Variants in ECM2 observed in about 807,000 individuals in gnomAD.
ECM2 encodes extracellular matrix protein 2.
Under a neutral mutation model 67.5 loss-of-function variants are expected in ECM2, and 57 were observed. The ratio of observed to expected loss-of-function variants is 0.84; its 90% CI spans 0.68 to 1.05. ECM2 has a LOEUF of 1.05. Among genes scored for constraint, ECM2 ranks in the 50% least tolerant of loss-of-function variants. ECM2 has a pLI of 0.00. For synonymous variants in ECM2, 258 were observed against 294.5 expected (o/e 0.88, Z 1.27); for missense variants, 741 against 822.8 (o/e 0.90, Z 1.22).
chr9:92,511,988 G>C (rs1277700211), intron 5 of ECM2, 23 bp downstream of exon 5: 1 of 1,556,818 alleles, frequency 6.4e-7, no homozygotes, highest in Non-Finnish European at 8.8e-7. Flanking sequence ...CATCCAAATA[G>C]ACAAATCAGA....
intron 3 of ECM2, chr9:92,517,223 G>C (rs2131220064): frequency 5.9e-6 from 1 of 169,546 alleles, no homozygotes; most frequent in Non-Finnish European, 1.3e-5. Flanking sequence ...TGCTGCCTTT[G>C]AGTGGTTGGG....
chr9:92,496,528 A>G (rs1314243481), intron 9 of ECM2, 45 bp from the exon 10 acceptor site: 9 of 1,582,786 alleles, frequency 5.7e-6, no homozygotes, highest in Non-Finnish European at 7.7e-6. Flanking sequence ...CCCAGTAATA[A>G]TCTGCCTTTA....
intron 1 of ECM2, among the ~76,000 whole-genome samples, chr9:92,527,833 C>T (rs1454941740): frequency 1.3e-5 from 2 of 152,046 alleles, no homozygotes; most frequent in South Asian, 2.1e-4. Flanking sequence ...CACTAACTGA[C>T]CTATTTTTTA....
At chr9:92,557,621 C>A in the ECM2 span, among the ~76,000 whole-genome samples, 1 of 152,024 alleles carries the variant, frequency 6.6e-6, no homozygotes, top group Non-Finnish European at 1.5e-5. Flanking sequence ...ATTGCTGAGA[C>A]TTTCCAGAGC....
upstream of ECM2, among the ~76,000 whole-genome samples, chr9:92,538,321 A>G (rs1003221789): frequency 6.6e-6 from 1 of 152,226 alleles, no homozygotes; most frequent in Non-Finnish European, 1.5e-5. Context: ...TACATGTATT[A>G]TGATCTTACC....
intron 4 of ECM2, among the ~76,000 whole-genome samples, chr9:92,512,735 TAAACCCGG>T (rs2131198282): frequency 2.0e-5 from 3 of 152,358 alleles, no homozygotes; most frequent in African/African-American, 7.2e-5. Flanking sequence ...AGTCAATTTT[TAAACCCGG>T]AAAGTGAGCA....
intron 4 of ECM2, among the ~76,000 whole-genome samples, chr9:92,513,209 G>C (rs1386836602): frequency 1.3e-5 from 2 of 152,130 alleles, no homozygotes; most frequent in African/African-American, 4.8e-5. Flanking sequence ...GTTCCACTCA[G>C]AGCCCTCCCT....
upstream of ECM2, among the ~76,000 whole-genome samples, chr9:92,540,588 T>C (rs1849294793): frequency 6.6e-6 from 1 of 150,720 alleles, no homozygotes; most frequent in African/African-American, 2.4e-5. Flanking sequence ...CTGGCCAACA[T>C]AGTGAAACCC....
rs1310721631 is a variant in ECM2 at position 92,522,664 on chromosome 9, G to A, written c.203C>T (p.Pro68Leu). 1 of 1,614,034 alleles carries A rather than the reference G, an allele frequency of 6.2e-7. No individual in the cohort carries two copies. Among genetic ancestry groups the A allele is most frequent in the East Asian group, 2.2e-5 (1 of 44,862 alleles). The change falls in exon 2 of 10, where the codon CCT (proline) becomes CTT (leucine). Residue 68 changes from proline (P) to leucine (L), a missense_variant. Physicochemically the swap from Pro to Leu is moderately conservative, Grantham distance 98. Coordinates refer to ENST00000344604, the MANE Select transcript of ECM2 (RefSeq NM_001393.4). ...TTVFTPVARL[P>L]IVNFDYSMEE... is the part of the protein sequence containing the mutation. ...CATGCTATAATCAAAGTTAACAATA[G>A]GAAGTCTTGCTACTGGTGTAAAAAC...
chr9:92,544,952 C>T, the ECM2 span, among the ~76,000 whole-genome samples: 1 of 152,132 alleles, frequency 6.6e-6, no homozygotes, highest in Non-Finnish European at 1.5e-5. Context: ...AAACTCCTGA[C>T]CTCAGGTGAT....
chr9:92,501,962 T>A (rs951481091), intron 8 of ECM2, among the ~76,000 whole-genome samples: 1 of 152,234 alleles, frequency 6.6e-6, no homozygotes, highest in Admixed American at 6.5e-5. Context: ...TTCTTCAGTC[T>A]ATTTTGTAAG....
At chr9:92,502,366 A>C in intron 8 of ECM2, 147 bp downstream of exon 8, 2 of 953,346 alleles carry the variant, frequency 2.1e-6, no homozygotes, top group Admixed American at 2.7e-5. Context: ...GGGATAGGGT[A>C]AGGGTTCACT....
At chr9:92,504,114 CAT>C (rs1846849303) in intron 7 of ECM2, among the ~76,000 whole-genome samples, 1 of 152,298 alleles carries the variant, frequency 6.6e-6, no homozygotes, top group Middle Eastern at 3.4e-3. Flanking sequence ...TGTGTTTTAA[CAT>C]GTGTATGCAT....
chr9:92,545,975 T>A, the ECM2 span, among the ~76,000 whole-genome samples: 1 of 151,776 alleles, frequency 6.6e-6, no homozygotes, highest in South Asian at 2.1e-4. Flanking sequence ...GGTTTGTAAA[T>A]GCACCAGTCA....
chr9:92,500,699 A>G, intron 9 of ECM2, 28 bp downstream of exon 9: 1 of 1,585,442 alleles, frequency 6.3e-7, no homozygotes, highest in Non-Finnish European at 8.6e-7. Flanking sequence ...CAAAATTTAA[A>G]CAGATACTTG....
intron 1 of ECM2, among the ~76,000 whole-genome samples, chr9:92,533,328 A>AAAAATATATATATATATATATATATATAT (rs1554683138): frequency 2.6e-5 from 1 of 38,334 alleles, no homozygotes; most frequent in Non-Finnish European, 4.3e-5. Context: ...AAAAAAAAAA[A>AAAAATATATATATATATATATATATATAT]ATATATATAT....
chr9:92,540,492 G>C (rs953667212), upstream of ECM2, among the ~76,000 whole-genome samples: 15 of 151,722 alleles, frequency 9.9e-5, no homozygotes, highest in Admixed American at 2.0e-4. Context: ...ATCAATGAAG[G>C]CTGGGGGCAG....
At chr9:92,546,192 C>T in the ECM2 span, among the ~76,000 whole-genome samples, 1 of 152,318 alleles carries the variant, frequency 6.6e-6, no homozygotes, top group South Asian at 2.1e-4. Flanking sequence ...AGTCAGTACC[C>T]TGTCAAAACG....
At chr9:92,551,912 A>AT in the ECM2 span, among the ~76,000 whole-genome samples, 1 of 101,490 alleles carries the variant, frequency 9.9e-6, no homozygotes, top group Non-Finnish European at 2.0e-5. Flanking sequence ...TTTGTTATAT[A>AT]TATGGTGTGT....
Sources: gnomAD v4.1 joint callset for allele counts (sites outside exome capture counted in the v4.1 genomes callset) on GRCh38, gnomAD v4.1.1 for gene constraint, MANE v1.5 for transcripts, NCBI Gene and HGNC (gene_info 2026-07-23, HGNC 2026-07-21) for gene names.